SLC16A4: variants seen among roughly 807,000 people sequenced by gnomAD.
SLC16A4 encodes the protein solute carrier family 16 member 4.
SLC16A4 carries 39 observed loss-of-function variants against 47.9 expected under a neutral mutation model. The ratio of observed to expected loss-of-function variants is 0.81; its 90% confidence interval spans 0.63 to 1.06. The LOEUF (loss-of-function observed/expected upper bound fraction) is 1.06, where lower values mean the gene tolerates loss of function less well. SLC16A4 is among the 50% of genes least tolerant of loss of function. The pLI is 0.00. For synonymous variants in SLC16A4, 189 were observed against 199.9 expected (o/e 0.95, Z 0.46); for missense variants, 524 against 573.8 (o/e 0.91, Z 0.89).
At chr1:110,383,805 GTTTTTTTTTTTTTTT>G (rs71096348) in intron 2 of SLC16A4, among the ~76,000 whole-genome samples, 7 of 65,740 alleles carry the variant, frequency 1.1e-4, no homozygotes, top group South Asian at 5.9e-4. Flanking sequence ...TTAAAAGGAG[GTTTTTTTTTTTTTTT>G]TTTTTTTTTT....
At chr1:110,367,413 T>C (rs567829698) in intron 8 of SLC16A4, among the ~76,000 whole-genome samples, 7 of 152,212 alleles carry the variant, frequency 4.6e-5, no homozygotes, top group South Asian at 2.1e-4. Context: ...GAGGCCAAGG[T>C]AGAAGGATGA....
intron 8 of SLC16A4, among the ~76,000 whole-genome samples, chr1:110,366,041 G>A (rs991646638): frequency 3.3e-5 from 5 of 151,042 alleles, no homozygotes; most frequent in African/African-American, 1.2e-4. Context: ...CTCCTGCATT[G>A]GCCTCCCAAA....
rs3738750 is a variant in SLC16A4, at chr1:110,381,731, G to A, written c.285C>T (p.Phe95=). 0.18 allele frequency: 293,495 copies of A among 1,612,834 alleles called. 28,152 individuals carry two copies. Among genetic ancestry groups the A allele is most frequent in the South Asian group, 0.26 (23,769 of 90,904 alleles). The change falls in exon 4 of 9, where the codon TTC becomes TTT. Residue 95 remains phenylalanine, a synonymous_variant. Coordinates refer to ENST00000369779, the MANE Select transcript of SLC16A4 (RefSeq NM_004696.3). ...TGATCAGATATCCACCAGTAACAACGAAAGCCCCAAGAATGGAGGTAGTTT... is the reference window on the plus strand; with the variant it reads ...TGATCAGATATCCACCAGTAACAACAAAAGCCCCAAGAATGGAGGTAGTTT... ...GEKTTSILGA[F]VVTGGYLISS...
intron 6 of SLC16A4, 63 bp from the exon 7 acceptor site, chr1:110,377,224 C>T (rs1454126443): frequency 7.7e-7 from 1 of 1,300,396 alleles, no homozygotes; most frequent in East Asian, 2.3e-5. Context: ...ATGCATACAG[C>T]ATCATTTCCC....
In SLC16A4 at chr1:110,379,290, A is replaced by G. The variant is rs369214745; in HGVS notation, c.593T>C (p.Ile198Thr). 6.2e-7 allele frequency: 1 copy of G among 1,614,056 alleles called. No individual in the cohort carries two copies. The highest frequency in any genetic ancestry group is 8.5e-7 in the Non-Finnish European group (1 of 1,179,962). ...AGAATTGTTCTCACTTTTGATATGGATGGGTCTTAAGAGCATACTAGAAGG... is the reference window on the plus strand; with the variant it reads ...AGAATTGTTCTCACTTTTGATATGGGTGGGTCTTAAGAGCATACTAGAAGG... Reference protein sequence around the residue: ...LVPSSMLLRPIHIKSENNSGI... With the variant: ...LVPSSMLLRPTHIKSENNSGI... The change falls in exon 6 of 9, where the codon ATC (isoleucine) becomes ACC (threonine). Residue 198 changes from isoleucine to threonine, a missense_variant. Coordinates refer to ENST00000369779, the MANE Select transcript of SLC16A4 (RefSeq NM_004696.3).
At chr1:110,366,227 GGC>G (rs1306618316) in intron 8 of SLC16A4, among the ~76,000 whole-genome samples, 1 of 151,312 alleles carries the variant, frequency 6.6e-6, no homozygotes, top group Non-Finnish European at 1.5e-5. Context: ...GCGCAATCTC[GGC>G]TCACTGCAAC....
chr1:110,367,061 G>C (rs1557900697), intron 8 of SLC16A4, among the ~76,000 whole-genome samples: 1 of 152,206 alleles, frequency 6.6e-6, no homozygotes, highest in East Asian at 1.9e-4. Flanking sequence ...ACATATGACT[G>C]ATTATTTTAT....
intron 8 of SLC16A4, among the ~76,000 whole-genome samples, chr1:110,373,998 A>G (rs933637985): frequency 6.6e-6 from 1 of 151,780 alleles, no homozygotes; most frequent in African/African-American, 2.4e-5. Context: ...AATTCTTGTT[A>G]TCCTTAGTTT....
At chr1:110,369,310 C>T (rs1661569465) in intron 8 of SLC16A4, among the ~76,000 whole-genome samples, 1 of 151,044 alleles carries the variant, frequency 6.6e-6, no homozygotes, top group Non-Finnish European at 1.5e-5. Flanking sequence ...CTTATTGAAA[C>T]TTAACATGGC....
Position 110,389,252 on chromosome 1 carries a change from C to A in SLC16A4, c.72G>T (p.Val24=). Reference sequence around the variant, plus strand: ...GAATTCTTACCAGGAAAAAATGAATCACAATCATCCATCCCCATCCTCCAT... The same window carrying A: ...GAATTCTTACCAGGAAAAAATGAATAACAATCATCCATCCCCATCCTCCAT... ...TLDGGWGWMI[V]IHFFLVNVFV... The change falls in exon 2 of 9, where the codon GTG becomes GTT. Residue 24 remains valine, a synonymous_variant. Transcript: ENST00000369779. 1 of 1,613,872 alleles carries A rather than the reference C, an allele frequency of 6.2e-7. No individual in the cohort carries two copies. The highest frequency in any genetic ancestry group is 8.5e-7 in the Non-Finnish European group (1 of 1,179,746).
At chr1:110,388,191 G>A (rs1662834502) in intron 2 of SLC16A4, among the ~76,000 whole-genome samples, 2 of 152,166 alleles carry the variant, frequency 1.3e-5, no homozygotes, top group East Asian at 1.9e-4. Context: ...TCTCTGGAGA[G>A]CTGTGTGGGG....
intron 2 of SLC16A4, among the ~76,000 whole-genome samples, chr1:110,383,591 G>A (rs1196036276): frequency 6.6e-6 from 1 of 152,088 alleles, no homozygotes; most frequent in East Asian, 1.9e-4. Flanking sequence ...TGCAGGGCCT[G>A]CAAATTATCT....
chr1:110,381,178 T>A (rs1431399101), intron 4 of SLC16A4, 35 bp from the exon 5 acceptor site: 3 of 1,592,600 alleles, frequency 1.9e-6, no homozygotes, highest in South Asian at 1.1e-5. Flanking sequence ...GAATCACTCT[T>A]ACATTAAGTG....
At chr1:110,384,822 G>A (rs1156681881) in intron 2 of SLC16A4, among the ~76,000 whole-genome samples, 1 of 152,104 alleles carries the variant, frequency 6.6e-6, no homozygotes, top group African/African-American at 2.4e-5. Flanking sequence ...ACCAGCCTGG[G>A]CAACATGGCG....
Position 110,377,058 on chromosome 1 carries a change from G to A in SLC16A4, c.1134C>T (p.Ile378=). 6.2e-7 allele frequency: 1 copy of A among 1,614,134 alleles called. No individual in the cohort carries two copies. Among genetic ancestry groups the A allele is most frequent in the South Asian group, 1.1e-5 (1 of 91,088 alleles). The change falls in exon 7 of 9, where the codon ATC becomes ATT. Residue 378 remains isoleucine (I), a synonymous_variant. Coordinates refer to ENST00000369779, the MANE Select transcript of SLC16A4 (RefSeq NM_004696.3). The stretch of plus-strand genomic sequence containing the variant: ...TGGCTAAAGGAGCAAGCAGGTTAGT[G>A]ATGCCGCAGAGGATGAGGTAAGACT... The part of the protein sequence containing the change: ...YHKSYLILCG[I]TNLLAPLATT...
At chr1:110,373,857 T>G (rs1661820760) in intron 8 of SLC16A4, among the ~76,000 whole-genome samples, 1 of 151,064 alleles carries the variant, frequency 6.6e-6, no homozygotes, top group Non-Finnish European at 1.5e-5. Context: ...AAAATTTTTT[T>G]GTAGAGATGG....
At chr1:110,382,450 CTG>C (rs1662457352) in intron 3 of SLC16A4, among the ~76,000 whole-genome samples, 1 of 151,292 alleles carries the variant, frequency 6.6e-6, no homozygotes, top group African/African-American at 2.4e-5. Context: ...CAGAGTGAGA[CTG>C]TGTCTCAAAA....
chr1:110,386,308 C>T (rs1662730207), intron 2 of SLC16A4, among the ~76,000 whole-genome samples: 1 of 152,186 alleles, frequency 6.6e-6, no homozygotes, highest in Non-Finnish European at 1.5e-5. Context: ...AGTTTTGACT[C>T]AAAGATATTA....
rs1323478719 is a variant in SLC16A4 at position 110,389,326 on chromosome 1, T to C, written c.-3A>G. The C allele has an allele frequency of 1.2e-6, 2 of 1,605,200 alleles. No homozygotes were observed. Among genetic ancestry groups the C allele is most frequent in the Non-Finnish European group, 1.7e-6 (2 of 1,171,846 alleles). On this transcript the variant is annotated 5_prime_UTR_variant, in exon 2 of 9. Transcript: ENST00000369779. ...ACCTTCCCCTCCCTCTTCAGCATGA[T>C]GCCTCTTCTATTTTAAATGCAGAAG...
Sources: allele counts gnomAD v4.1 joint callset (sites outside exome capture counted in the v4.1 genomes callset), GRCh38; gene constraint gnomAD v4.1.1; transcripts MANE v1.5; gene names NCBI Gene and HGNC (gene_info 2026-07-23, HGNC 2026-07-21).